Variants in TRIM2 observed in about 807,000 individuals in gnomAD.
TRIM2 encodes tripartite motif-containing protein 2.
TRIM2 carries 20 observed loss-of-function variants against 75.2 expected under a neutral mutation model. The ratio of observed to expected loss-of-function variants is 0.27; its 90% CI spans 0.19 to 0.39. The LOEUF (loss-of-function observed/expected upper bound fraction) is 0.39. Among genes scored for constraint, TRIM2 ranks in the 10% least tolerant of loss-of-function variants. TRIM2 has a pLI of 1.00. For synonymous variants in TRIM2, 373 were observed against 388.3 expected, an observed-to-expected ratio of 0.96 and a Z score of 0.46; for missense variants, 660 against 990.8, an observed-to-expected ratio of 0.67 and a Z score of 4.48.
At chr4:153,229,378 C>T (rs901673770) in intron 1 of TRIM2, among the ~76,000 whole-genome samples, 2 of 152,190 alleles carry the variant, frequency 1.3e-5, no homozygotes, top group African/African-American at 4.8e-5. Context: ...ATTATCCTGC[C>T]TCAGCCTCCC....
At chr4:153,249,347 G>C (rs369635800) in intron 1 of TRIM2, among the ~76,000 whole-genome samples, 3 of 152,306 alleles carry the variant, frequency 2.0e-5, no homozygotes, top group African/African-American at 7.2e-5. Context: ...CAGAGCCTGC[G>C]GGGTGAAAGC....
chr4:153,247,168 G>T (rs773020221), intron 1 of TRIM2, among the ~76,000 whole-genome samples: 27 of 152,156 alleles, frequency 1.8e-4, no homozygotes, highest in Non-Finnish European at 3.5e-4. Context: ...CAGCACAAAA[G>T]TCCAGGTTTC....
rs776846178 is a variant in TRIM2 at position 153,322,679 on chromosome 4, C to G, written c.1814C>G (p.Pro605Arg). The change falls in exon 9 of 12, where the codon CCC (proline) becomes CGC (arginine). Residue 605 changes from proline to arginine, a missense_variant. Pro to Arg is a moderately radical substitution (Grantham distance 103). This residue lies in a region of TRIM2 where 620 missense variants were observed against 891.0 expected (regional missense o/e 0.70). Transcript: ENST00000338700. ...TKIGSGKLMG[P>R]KGVSVDRNGH... The stretch of plus-strand genomic sequence containing the variant: ...ATTGGATCAGGAAAGCTGATGGGAC[C>G]CAAAGGAGTTTCTGTGGACCGCAAT... 1 of 1,613,968 alleles carries G rather than the reference C, an allele frequency of 6.2e-7. No homozygotes were observed. Among genetic ancestry groups the G allele is most frequent in the Non-Finnish European group, 8.5e-7 (1 of 1,179,944 alleles).
intron 8 of TRIM2, among the ~76,000 whole-genome samples, chr4:153,320,148 C>T (rs1579693997): frequency 6.6e-6 from 1 of 152,272 alleles, no homozygotes; most frequent in South Asian, 2.1e-4. Context: ...CATTTCTTTA[C>T]CCACCATTGT....
At chr4:153,279,518 G>A (rs1367351867) in intron 3 of TRIM2, among the ~76,000 whole-genome samples, 1 of 152,124 alleles carries the variant, frequency 6.6e-6, no homozygotes, top group Admixed American at 6.5e-5. Flanking sequence ...AGTATTGGAA[G>A]TGGAAACTTT....
intron 1 of TRIM2, among the ~76,000 whole-genome samples, chr4:153,232,880 G>C (rs1245306346): frequency 6.6e-6 from 1 of 152,216 alleles, no homozygotes; most frequent in African/African-American, 2.4e-5. Flanking sequence ...ACTCCAGTGA[G>C]AGTGGCTAGC....
chr4:153,244,380 T>TCTTCTTCTTCTTCTTCTC (rs1748203861), intron 1 of TRIM2, among the ~76,000 whole-genome samples: 1 of 68,360 alleles, frequency 1.5e-5, no homozygotes, highest in Non-Finnish European at 2.5e-5. Flanking sequence ...TTCTTCTTCT[T>TCTTCTTCTTCTTCTTCTC]CTTCTTCTTC....
intron 1 of TRIM2, among the ~76,000 whole-genome samples, chr4:153,161,181 C>T (rs2149593847): frequency 6.6e-6 from 1 of 152,270 alleles, no homozygotes; most frequent in East Asian, 1.9e-4. Context: ...GAACGTAATA[C>T]TAAATTTTGA....
intron 1 of TRIM2, among the ~76,000 whole-genome samples, chr4:153,233,685 TG>T (rs1157372697): frequency 2.6e-5 from 4 of 152,136 alleles, no homozygotes; most frequent in Non-Finnish European, 5.9e-5. Context: ...GGGAGGCAGG[TG>T]GGCCACTGAG....
intron 1 of TRIM2, among the ~76,000 whole-genome samples, chr4:153,241,832 G>A (rs560956354): frequency 6.6e-6 from 1 of 152,332 alleles, no homozygotes; most frequent in African/African-American, 2.4e-5. Flanking sequence ...GAGGCCACAC[G>A]TATGCCGGAT....
chr4:153,213,266 C>T (rs1215223969), intron 1 of TRIM2, among the ~76,000 whole-genome samples: 1 of 152,154 alleles, frequency 6.6e-6, no homozygotes, highest in Admixed American at 6.5e-5. Flanking sequence ...GTGTTTTTAA[C>T]CATTATGTGA....
At chr4:153,163,879 T>G (rs1730018492) in intron 1 of TRIM2, among the ~76,000 whole-genome samples, 1 of 152,054 alleles carries the variant, frequency 6.6e-6, no homozygotes, top group African/African-American at 2.4e-5. Flanking sequence ...AGCTGTATTT[T>G]TGTTATTCAC....
intron 2 of TRIM2, among the ~76,000 whole-genome samples, chr4:153,272,889 G>A (rs1757057786): frequency 6.6e-6 from 1 of 152,216 alleles, no homozygotes. Context: ...CACCAGGCTG[G>A]AGTGCAGTGG....
At chr4:153,316,577 A>T (rs1354124609) in intron 8 of TRIM2, among the ~76,000 whole-genome samples, 2 of 151,372 alleles carry the variant, frequency 1.3e-5, no homozygotes, top group African/African-American at 4.9e-5. Context: ...TGGGACTTGG[A>T]AAAAAAAAGA....
intron 8 of TRIM2, among the ~76,000 whole-genome samples, chr4:153,318,549 T>A (rs1488188168): frequency 6.6e-6 from 1 of 152,206 alleles, no homozygotes; most frequent in East Asian, 1.9e-4. Context: ...TTTTGCATTT[T>A]AATAATTGTA....
chr4:153,195,647 G>A (rs1450185104), intron 1 of TRIM2, among the ~76,000 whole-genome samples: 1 of 152,194 alleles, frequency 6.6e-6, no homozygotes, highest in Non-Finnish European at 1.5e-5. Context: ...TGTTATGGCA[G>A]CTCAGGAAAT....
intron 1 of TRIM2, among the ~76,000 whole-genome samples, chr4:153,221,907 A>G (rs1019870454): frequency 2.1e-5 from 2 of 96,112 alleles, no homozygotes; most frequent in African/African-American, 3.8e-5. Context: ...GGGAGGAAGG[A>G]AGGGAGGGAG....
In TRIM2 at chr4:153,161,173, A is replaced by G. The variant is rs1729703426; in HGVS notation, c.-49+7903A>G. Among the ~76,000 whole-genome samples the G allele has an allele frequency of 2.6e-5, 4 of 152,342 alleles. No homozygotes were observed. The South Asian group carries it at 8.3e-4, about 32-fold the overall frequency. On this transcript the variant is annotated intron_variant, in intron 1 of 11. Coordinates refer to the TRIM2 transcript ENST00000437508. Reference sequence around the variant, plus strand: ...CTAAAATAGCTTGTTTGTTCTAAGAACGTAATACTAAATTTTGAGATGGAG... The same window carrying G: ...CTAAAATAGCTTGTTTGTTCTAAGAGCGTAATACTAAATTTTGAGATGGAG...
intron 1 of TRIM2, among the ~76,000 whole-genome samples, chr4:153,185,054 A>G (rs963457221): frequency 6.6e-6 from 1 of 152,254 alleles, no homozygotes; most frequent in Admixed American, 6.5e-5. Context: ...AGTTCCCCAG[A>G]CAGGAATCTC....
Sources: allele counts gnomAD v4.1 joint callset (sites outside exome capture counted in the v4.1 genomes callset), GRCh38; gene constraint gnomAD v4.1.1; regional missense constraint gnomAD v4.1.1; transcripts MANE v1.5; gene names NCBI Gene and HGNC (gene_info 2026-07-23, HGNC 2026-07-21).